GALNT9: variants seen among roughly 807,000 people sequenced by gnomAD.
GALNT9 encodes GalNAc transferase 9.
A neutral mutation model predicts 63.1 loss-of-function variants in GALNT9; 47 were observed. The ratio of observed to expected loss-of-function variants is 0.75; its 90% confidence interval spans 0.59 to 0.95. The LOEUF (loss-of-function observed/expected upper bound fraction) is 0.95. Ranked by LOEUF, GALNT9 falls within the 40% of genes least tolerant of loss-of-function variation. GALNT9 has a pLI of 0.00. For synonymous variants in GALNT9, 396 were observed against 365.7 expected, an observed-to-expected ratio of 1.08 and a Z score of -0.94; for missense variants, 829 against 874.8, an observed-to-expected ratio of 0.95 and a Z score of 0.66.
chr12:132,279,391 A>T lies in GALNT9; in HGVS notation c.419+6859T>A, dbSNP rs1443847027. 1 of 152,306 alleles carries T rather than the reference A, an allele frequency of 6.6e-6. No homozygotes were observed. The highest frequency in any genetic ancestry group is 1.5e-5 in the Non-Finnish European group (1 of 68,178). 9.4% of individuals were successfully genotyped at this position (152,306 alleles called of 1,614,324 possible). On this transcript the variant is annotated intron_variant, in intron 2 of 10. Coordinates refer to ENST00000328957, the MANE Select transcript of GALNT9 (RefSeq NM_001122636.2). This position sits in a 1 kb window ranked among gnomAD's most constrained non-coding sequence, Gnocchi z 4.1. ...GGCTGGCTGCAGCTGTCAGACTTGG[A>T]GCGTGAGGACAGAGCTGGGCCGGTT... is the stretch of plus-strand genomic sequence containing the variant.
chr12:132,289,330 C>T (rs141646016), intron 1 of GALNT9, among the ~76,000 whole-genome samples: 42 of 152,330 alleles, frequency 2.8e-4, no homozygotes, highest in African/African-American at 5.1e-4. Context: ...TGCCAACTAG[C>T]CTGTCCATTG....
chr12:132,226,338 T>C lies in GALNT9; in HGVS notation c.1077+21572A>G, dbSNP rs949939093. ...ACATACTGTACATACACCTCACACA[T>C]ACATCCCTTATACCCCATATACACA... On this transcript the variant is annotated intron_variant, in intron 6 of 10. Coordinates refer to ENST00000328957, the MANE Select transcript of GALNT9 (RefSeq NM_001122636.2). 2.7e-3 allele frequency among the ~76,000 whole-genome samples: 359 copies of C among 132,852 alleles called. 3 individuals are homozygous for C. The highest frequency in any genetic ancestry group is 9.9e-3 in the African/African-American group (341 of 34,368). 87.2% of individuals were successfully genotyped at this position (132,852 alleles called of 152,430 possible).
In GALNT9 at chr12:132,197,113, C is replaced by T. The variant is rs2135493820; in HGVS notation, c.1806G>A (p.Arg602=). ...GGTCCGGGCGGAGGTGGGGTCAGTG[C>T]CGTGCGTGTTTGATCCAGTTTCTGA... is the stretch of plus-strand genomic sequence containing the variant. ...WMIRNWIKHA[R]H is the part of the protein sequence containing the mutation. Residue 602 remains arginine, a synonymous_variant, in exon 11 of 11, where the codon CGG becomes CGA. Transcript: ENST00000328957. 2 of 1,614,106 alleles carry T rather than the reference C, an allele frequency of 1.2e-6. No individual in the cohort carries two copies. The highest frequency in any genetic ancestry group is 1.7e-5 in the Admixed American group (1 of 60,014).
intron 1 of GALNT9, among the ~76,000 whole-genome samples, chr12:132,325,402 G>C (rs1254066673): frequency 6.6e-6 from 1 of 152,184 alleles, no homozygotes; most frequent in Non-Finnish European, 1.5e-5. Context: ...CACGAGCGAG[G>C]TGTCACACAG....
chr12:132,289,296 G>A (rs1201824120), intron 1 of GALNT9, among the ~76,000 whole-genome samples: 2 of 152,138 alleles, frequency 1.3e-5, no homozygotes, highest in African/African-American at 4.8e-5. Flanking sequence ...CATCTCATCG[G>A]CTTGATCTTT....
At chr12:132,311,781 G>A (rs111299079) in intron 1 of GALNT9, among the ~76,000 whole-genome samples, 294 of 152,232 alleles carry the variant, frequency 1.9e-3, no homozygotes, top group African/African-American at 2.1e-3. Flanking sequence ...CAGGCCCTGC[G>A]TCCTTCGTGT....
At chr12:132,240,154 C>A (rs1555236764) in intron 6 of GALNT9, among the ~76,000 whole-genome samples, 5 of 152,206 alleles carry the variant, frequency 3.3e-5, no homozygotes, top group Non-Finnish European at 7.4e-5. Flanking sequence ...CCACTGAGAA[C>A]AAGCGTATTT....
rs1483756859 is a variant in GALNT9, at chr12:132,203,751, G to C, written c.1078-61C>G. ...CCAACGGAAGCGGGCAGCCCGGCCA[G>C]CTAGGGGCCCGTGAGAGGCCAAGGG... On this transcript the variant is annotated intron_variant, in intron 6 of 10. Coordinates refer to ENST00000328957, the MANE Select transcript of GALNT9 (RefSeq NM_001122636.2). 3.2e-6 allele frequency: 5 copies of C among 1,554,660 alleles called. No individual in the cohort carries two copies. In the African/African-American group the frequency reaches 5.4e-5, roughly 17 times the overall value.
chr12:132,230,067 G>A (rs1272980203), intron 6 of GALNT9, among the ~76,000 whole-genome samples: 2 of 152,136 alleles, frequency 1.3e-5, no homozygotes, highest in African/African-American at 2.4e-5. Context: ...ATCAACAGTC[G>A]CCACCGGGTC....
At chr12:132,239,659 CAG>C (rs782136479) in intron 6 of GALNT9, among the ~76,000 whole-genome samples, 2 of 148,330 alleles carry the variant, frequency 1.3e-5, no homozygotes, top group Non-Finnish European at 3.0e-5. Context: ...GAGTCAGAGA[CAG>C]AGAGAGACAG....
Position 132,282,053 on chromosome 12 carries a change from C to G in GALNT9, c.419+4197G>C, listed in dbSNP as rs1248577734. Among the ~76,000 whole-genome samples, 4 of 144,182 alleles carry G rather than the reference C, an allele frequency of 2.8e-5. No individual in the cohort carries two copies. Among genetic ancestry groups the G allele is most frequent in the Non-Finnish European group, 6.0e-5 (4 of 66,686 alleles). 94.6% of individuals were successfully genotyped at this position (144,182 alleles called of 152,430 possible). The stretch of plus-strand genomic sequence containing the variant: ...TCCCACAGAGGAGGAATCAGCTCCA[C>G]TGCAGCAAGCCCAGGCCTGGGGGTC... On this transcript the variant is annotated intron_variant, in intron 2 of 10. Transcript: ENST00000328957. This position sits in a 1 kb window ranked among gnomAD's most constrained non-coding sequence, Gnocchi z 4.5.
At chr12:132,258,636 G>A (rs958612460) in intron 4 of GALNT9, among the ~76,000 whole-genome samples, 1 of 152,214 alleles carries the variant, frequency 6.6e-6, no homozygotes, top group Admixed American at 6.5e-5. Flanking sequence ...GTGCCTAATG[G>A]GCCTGCAGGG....
chr12:132,322,506 G>T (rs541455765), intron 1 of GALNT9, among the ~76,000 whole-genome samples: 1 of 152,220 alleles, frequency 6.6e-6, no homozygotes, highest in Admixed American at 6.5e-5. Context: ...CAGCATCCCC[G>T]TCCGTGACTC....
At position 132,315,655 on chromosome 12, in the gene GALNT9, C is replaced by G. The variant is rs1488914982; in HGVS notation, c.238+13311G>C. ...AGAAGGTCGCGTCTTCTGGGCCAGT[C>G]TCTGTGAAGGCCACCAGTTCGGATC... is the stretch of plus-strand genomic sequence containing the variant. On this transcript the variant is annotated intron_variant, in intron 1 of 10. Coordinates refer to ENST00000328957, the MANE Select transcript of GALNT9 (RefSeq NM_001122636.2). The surrounding 1 kb of genome is among the most constrained non-coding windows in gnomAD (Gnocchi z 6.1). Among the ~76,000 whole-genome samples the G allele has an allele frequency of 6.6e-6, 1 of 152,208 alleles. No individual in the cohort carries two copies. Among genetic ancestry groups the G allele is most frequent in the African/African-American group, 2.4e-5 (1 of 41,456 alleles).
chr12:132,315,616 C>T lies in GALNT9; in HGVS notation c.238+13350G>A, dbSNP rs371846564. Among the ~76,000 whole-genome samples the T allele has an allele frequency of 4.4e-4, 67 of 152,318 alleles. 1 individual carries two copies. The highest frequency in any genetic ancestry group is 1.6e-3 in the African/African-American group (66 of 41,570). ...GTGGGATGTGGGCGAGGTTGCGCCG[C>T]GGCTGCTGATCTGAGAAGGTCGCGT... On this transcript the variant is annotated intron_variant, in intron 1 of 10. Transcript: ENST00000328957. The surrounding 1 kb of genome is among the most constrained non-coding windows in gnomAD (Gnocchi z 6.1).
At position 132,286,293 on chromosome 12, in the gene GALNT9, G is replaced by C. The variant is rs972598871; in HGVS notation, c.376C>G (p.Arg126Gly). The C allele has an allele frequency of 6.4e-7, 1 of 1,551,186 alleles. No individual in the cohort carries two copies. ...GGGATGCTCCGATCGAGGGAGATGC[G>C]GTCGCTGAGCTGAGCGTTGTAGCCG... ...EYGYNAQLSD[R>G]ISLDRSIPDY... The change falls in exon 2 of 11, where the codon CGC becomes GGC. Residue 126 changes from arginine (R) to glycine (G), a missense_variant. Physicochemically the swap from Arg to Gly is moderately radical, Grantham distance 125 (BLOSUM62 -2). Transcript: ENST00000328957. This position sits in a 1 kb window ranked among gnomAD's most constrained non-coding sequence, Gnocchi z 7.4.
chr12:132,276,694 T>C (rs1880104989), intron 2 of GALNT9, among the ~76,000 whole-genome samples: 1 of 152,242 alleles, frequency 6.6e-6, no homozygotes, highest in Non-Finnish European at 1.5e-5. Context: ...TTAATTTGGA[T>C]TTGCCAGTCT....
At chr12:132,260,279 C>CGGCCCTGCCCACACCTTGGAGTCG (rs1201418173) in intron 4 of GALNT9, among the ~76,000 whole-genome samples, 3 of 152,130 alleles carry the variant, frequency 2.0e-5, no homozygotes, top group Non-Finnish European at 4.4e-5. Flanking sequence ...GGGGGAAACT[C>CGGCCCTGCCCACACCTTGGAGTCG]GGCCCTGCCC....
chr12:132,198,049 CA>C, intron 9 of GALNT9, 90 bp from the exon 10 acceptor site: 1 of 1,105,006 alleles, frequency 9.0e-7, no homozygotes, highest in Admixed American at 2.3e-5. Flanking sequence ...CCTTGAGCTG[CA>C]AACGGGGCCC....
Sources: gnomAD v4.1 joint callset for allele counts (sites outside exome capture counted in the v4.1 genomes callset) on GRCh38, gnomAD v4.1.1 for gene constraint, Gnocchi (gnomAD v3.1) non-coding constraint, MANE v1.5 for transcripts, NCBI Gene and HGNC (gene_info 2026-07-23, HGNC 2026-07-21) for gene names.